TG: variants seen among roughly 807,000 people sequenced by gnomAD.
The protein encoded by TG is thyroglobulin, also known as thyroid hormones.
TG carries 270 observed loss-of-function variants against 324.7 expected under a neutral mutation model. The ratio of observed to expected loss-of-function variants is 0.83; its 90% CI spans 0.75 to 0.92. The LOEUF (loss-of-function observed/expected upper bound fraction) is 0.92. TG is among the 40% of genes least tolerant of loss of function. The pLI is 0.00. For missense variants in TG, 3,591 were observed against 3,456.4 expected, an observed-to-expected ratio of 1.04 and a Z score of -0.98; for synonymous variants, 1,401 against 1,327.0, an observed-to-expected ratio of 1.06 and a Z score of -1.21.
At chr8:133,111,931 G>C (rs1850276656) in intron 43 of TG, among the ~76,000 whole-genome samples, 1 of 152,226 alleles carries the variant, frequency 6.6e-6, no homozygotes, top group Admixed American at 6.5e-5. Flanking sequence ...CCACAGGGTG[G>C]TTCAGCCTTG....
intron 27 of TG, among the ~76,000 whole-genome samples, chr8:132,958,673 G>A (rs1382206934): frequency 9.5e-5 from 4 of 41,916 alleles, no homozygotes; most frequent in South Asian, 8.8e-4. Flanking sequence ...AGCCGAGATC[G>A]TGCTGCTGCA....
chr8:132,935,565 A>G (rs1210066543), intron 24 of TG, among the ~76,000 whole-genome samples, 191 bp from the exon 25 acceptor site: 2 of 152,162 alleles, frequency 1.3e-5, no homozygotes, highest in Non-Finnish European at 2.9e-5. Flanking sequence ...TTCTTTAATT[A>G]TATGTATCTT....
intron 44 of TG, 89 bp downstream of exon 44, chr8:133,113,692 G>A (rs951135338): frequency 2.1e-6 from 3 of 1,456,600 alleles, no homozygotes; most frequent in Admixed American, 2.0e-5. Context: ...GAGAAATAAA[G>A]GCACGTGGCT....
At chr8:132,883,651 G>A (rs914122931) in intron 8 of TG, among the ~76,000 whole-genome samples, 2 of 152,150 alleles carry the variant, frequency 1.3e-5, no homozygotes, top group African/African-American at 4.8e-5. Flanking sequence ...TGGAGGTCAG[G>A]TGAAGACAGT....
intron 22 of TG, among the ~76,000 whole-genome samples, chr8:132,923,977 G>A (rs542242786): frequency 9.9e-5 from 15 of 152,140 alleles, no homozygotes; most frequent in African/African-American, 3.4e-4. Flanking sequence ...GGGTGGGGAT[G>A]GTTTCAGGAT....
At chr8:133,105,200 G>A (rs1195955782) in intron 43 of TG, among the ~76,000 whole-genome samples, 1 of 152,130 alleles carries the variant, frequency 6.6e-6, no homozygotes, top group Non-Finnish European at 1.5e-5. Context: ...TTCAAAAATT[G>A]GAGCATTATC....
chr8:133,019,787 C>G, intron 39 of TG, 92 bp downstream of exon 39: 1 of 1,067,950 alleles, frequency 9.4e-7, no homozygotes. Flanking sequence ...TCAGTCTCCT[C>G]CTCTGTGGCC....
At chr8:133,032,043 G>A (rs951272962) in intron 41 of TG, among the ~76,000 whole-genome samples, 1 of 152,150 alleles carries the variant, frequency 6.6e-6, no homozygotes, top group African/African-American at 2.4e-5. Context: ...CAGGGGCTGG[G>A]TGTGCCTTGC....
chr8:133,077,694 A>G (rs937215363), intron 41 of TG, among the ~76,000 whole-genome samples: 1 of 151,920 alleles, frequency 6.6e-6, no homozygotes, highest in Non-Finnish European at 1.5e-5. Flanking sequence ...TCTCAGCCTC[A>G]GCACTTTGGA....
chr8:133,050,465 G>T, intron 41 of TG: 1 of 251,220 alleles, frequency 4.0e-6, no homozygotes, highest in Non-Finnish European at 7.7e-6. Flanking sequence ...TCATCCGAAG[G>T]ATTTCCAGAC....
intron 27 of TG, among the ~76,000 whole-genome samples, chr8:132,956,451 G>A (rs1180986799): frequency 6.6e-6 from 1 of 152,158 alleles, no homozygotes; most frequent in Non-Finnish European, 1.5e-5. Flanking sequence ...AGAGGACGGG[G>A]GTGTGTGACC....
rs2130744417 is a variant in TG at position 132,988,600 on chromosome 8, T to C, written c.6262+5188T>C. On this transcript the variant is annotated intron_variant, in intron 35 of 47. Coordinates refer to ENST00000220616, the MANE Select transcript of TG (RefSeq NM_003235.5). ...AAAGTGAGGACAATTATATCAACGGTGTATAGTGTATAGTTGTACTCTCTT... is the reference window on the plus strand; with the variant it reads ...AAAGTGAGGACAATTATATCAACGGCGTATAGTGTATAGTTGTACTCTCTT... 5 of 516,194 alleles carry C rather than the reference T, an allele frequency of 9.7e-6. No individual in the cohort carries two copies. In the South Asian group the frequency reaches 3.3e-4, roughly 35 times the overall value. 32.0% of individuals were successfully genotyped at this position (516,194 alleles called of 1,614,324 possible). A position where few individuals can be genotyped will look rare whatever the true frequency, so the allele number is the denominator to read the frequency against.
chr8:133,093,178 A>T (rs936303151), intron 41 of TG, among the ~76,000 whole-genome samples: 5 of 144,702 alleles, frequency 3.5e-5, no homozygotes, highest in Admixed American at 2.0e-4. Flanking sequence ...AATGGTTCTT[A>T]AAAAAAGCTG....
At chr8:133,110,635 A>C (rs1186452089) in intron 43 of TG, among the ~76,000 whole-genome samples, 2 of 152,236 alleles carry the variant, frequency 1.3e-5, no homozygotes, top group Non-Finnish European at 2.9e-5. Context: ...TCTTTGATTA[A>C]GGGCGTATGC....
In TG at chr8:133,002,103, G is replaced by A. The variant is rs1354875017; in HGVS notation, c.6263-9798G>A. The A allele has an allele frequency of 4.1e-6, 4 of 985,334 alleles. No individual in the cohort carries two copies. In the Admixed American group the frequency reaches 2.5e-4, roughly 61 times the overall value. 61.0% of individuals were successfully genotyped at this position (985,334 alleles called of 1,614,324 possible). ...TGATTATTTGAACGTTGGAGAGAGTGTCAGGCATTTGCTGCCGGTTTGACA... is the reference window on the plus strand; with the variant it reads ...TGATTATTTGAACGTTGGAGAGAGTATCAGGCATTTGCTGCCGGTTTGACA... On this transcript the variant is annotated intron_variant, in intron 35 of 47. Coordinates refer to ENST00000220616, the MANE Select transcript of TG (RefSeq NM_003235.5).
chr8:133,039,954 C>CACACACACACACACACAA (rs1564102595), intron 41 of TG: 2 of 819,656 alleles, frequency 2.4e-6, no homozygotes, highest in East Asian at 3.9e-5. Flanking sequence ...CACTTGCATG[C>CACACACACACACACACAA]ACACACACAC....
intron 35 of TG, among the ~76,000 whole-genome samples, chr8:133,005,703 A>G (rs1267039795): frequency 6.6e-6 from 1 of 152,142 alleles, no homozygotes; most frequent in Admixed American, 6.5e-5. Flanking sequence ...ATACACTCAT[A>G]GCCAATTGTT....
rs189438551 is a variant in TG, at chr8:133,039,189, A to C, written c.7239+9166A>C. Among the ~76,000 whole-genome samples the C allele has an allele frequency of 1.1e-4, 16 of 152,258 alleles. No individual in the cohort carries two copies. The Middle Eastern group carries it at 0.014, about 129-fold the overall frequency. On this transcript the variant is annotated intron_variant, in intron 41 of 47. Transcript: ENST00000220616. ...CCACCGCGCCTGGCCCTAACTTACT[A>C]TTCTAGTTATTACCCTAACCTATTA...
intron 41 of TG, among the ~76,000 whole-genome samples, chr8:133,074,632 T>C (rs999863973): frequency 6.6e-6 from 1 of 152,162 alleles, no homozygotes; most frequent in Non-Finnish European, 1.5e-5. Context: ...CTGCCCCTGC[T>C]CCTCCAGCCC....
Sources: gnomAD v4.1 joint callset for allele counts (sites outside exome capture counted in the v4.1 genomes callset) on GRCh38, gnomAD v4.1.1 for gene constraint, MANE v1.5 for transcripts, NCBI Gene and HGNC (gene_info 2026-07-23, HGNC 2026-07-21) for gene names.